Variants in TMEM117 observed in about 807,000 individuals in gnomAD.
TMEM117 encodes the protein transmembrane protein 117.
In TMEM117, 27 loss-of-function variants were observed where a neutral mutation model predicts 52.4. That is an observed-to-expected ratio of 0.51 (90% CI 0.38 to 0.71). TMEM117 has a LOEUF of 0.71. Among genes scored for constraint, TMEM117 ranks in the 30% least tolerant of loss-of-function variants. The probability of loss-of-function intolerance (pLI) is 0.00; values close to 1 mark genes in which losing one functional copy is unlikely to be tolerated. For missense variants in TMEM117, 556 were observed against 630.5 expected, an observed-to-expected ratio of 0.88 and a Z score of 1.26; for synonymous variants, 215 against 206.3, an observed-to-expected ratio of 1.04 and a Z score of -0.36.
At chr12:43,985,178 A>AT (rs928831689) in intron 3 of TMEM117, among the ~76,000 whole-genome samples, 10 of 152,000 alleles carry the variant, frequency 6.6e-5, no homozygotes, top group East Asian at 1.9e-4. Context: ...TTGAATAGAG[A>AT]TTTTTTTTAA....
At chr12:43,973,271 A>C (rs1945621270) in intron 3 of TMEM117, among the ~76,000 whole-genome samples, 1 of 152,320 alleles carries the variant, frequency 6.6e-6, no homozygotes, top group South Asian at 2.1e-4. Context: ...GTGCTTTAAG[A>C]GTGGCAAGAC....
chr12:44,115,315 G>A (rs1249791995), intron 3 of TMEM117, among the ~76,000 whole-genome samples: 3 of 152,126 alleles, frequency 2.0e-5, no homozygotes, highest in African/African-American at 2.4e-5. Flanking sequence ...TTGTCGGGTG[G>A]GGAGAAGGGG....
chr12:44,103,205 T>G (rs1947893504), intron 3 of TMEM117, among the ~76,000 whole-genome samples: 1 of 151,886 alleles, frequency 6.6e-6, no homozygotes, highest in South Asian at 2.1e-4. Context: ...TCTTCTGCAC[T>G]TTTCTCAGCA....
At chr12:44,178,221 A>G (rs1046213626) in intron 4 of TMEM117, among the ~76,000 whole-genome samples, 1 of 152,156 alleles carries the variant, frequency 6.6e-6, no homozygotes, top group Non-Finnish European at 1.5e-5. Flanking sequence ...TAATCACATC[A>G]ATTTATTGAC....
chr12:43,875,000 T>A (rs925701408), intron 2 of TMEM117, among the ~76,000 whole-genome samples: 1 of 152,240 alleles, frequency 6.6e-6, no homozygotes, highest in South Asian at 2.1e-4. Flanking sequence ...ATAAGTATTC[T>A]TAAGTTCAGG....
intron 6 of TMEM117, among the ~76,000 whole-genome samples, chr12:44,314,398 T>A (rs570796469): frequency 4.1e-4 from 63 of 152,298 alleles, no homozygotes; most frequent in Non-Finnish European, 7.1e-4. Context: ...GAATCACATT[T>A]ATTTAGTTTT....
chr12:43,796,487 T>C, the TMEM117 span, among the ~76,000 whole-genome samples: 1 of 152,158 alleles, frequency 6.6e-6, no homozygotes, highest in Non-Finnish European at 1.5e-5. Context: ...CAAATGTTTA[T>C]GCTTATTCCT....
At chr12:43,799,510 TACAG>T in the TMEM117 span, 1 of 1,522,688 alleles carries the variant, frequency 6.6e-7, no homozygotes, top group Non-Finnish European at 9.1e-7. Flanking sequence ...TTCCTGTAAG[TACAG>T]AATAGACTAT....
chr12:43,865,558 G>A (rs1028761544), intron 2 of TMEM117, among the ~76,000 whole-genome samples: 2 of 151,962 alleles, frequency 1.3e-5, no homozygotes, highest in Admixed American at 6.6e-5. Flanking sequence ...TTAGCCGGGC[G>A]TGGTGGTGCA....
the TMEM117 span, among the ~76,000 whole-genome samples, chr12:44,397,675 G>A: frequency 1.3e-5 from 2 of 152,164 alleles, no homozygotes; most frequent in African/African-American, 2.4e-5. Context: ...GTAATCAATT[G>A]CTTTGAGTCA....
intron 3 of TMEM117, among the ~76,000 whole-genome samples, chr12:43,953,325 C>T (rs1426832468): frequency 2.0e-5 from 3 of 152,102 alleles, no homozygotes; most frequent in African/African-American, 7.2e-5. Flanking sequence ...TGTAAATAGG[C>T]TAAATGCCCC....
intron 2 of TMEM117, among the ~76,000 whole-genome samples, chr12:43,906,769 A>G (rs2137519492): frequency 6.6e-6 from 1 of 152,326 alleles, no homozygotes; most frequent in South Asian, 2.1e-4. Flanking sequence ...CTCCCACTGG[A>G]ATACTGCACT....
chr12:44,379,527 T>C (rs1040826698), intron 7 of TMEM117, among the ~76,000 whole-genome samples: 4 of 152,206 alleles, frequency 2.6e-5, no homozygotes, highest in Non-Finnish European at 5.9e-5. Flanking sequence ...TCTGAGCTTT[T>C]CTCTCTTGCT....
chr12:44,241,489 C>A (rs568433056), intron 5 of TMEM117, among the ~76,000 whole-genome samples: 1 of 151,890 alleles, frequency 6.6e-6, no homozygotes, highest in African/African-American at 2.4e-5. Flanking sequence ...CAATTTTTTG[C>A]CACGCAGAAA....
intron 5 of TMEM117, among the ~76,000 whole-genome samples, chr12:44,253,664 T>A (rs949016556): frequency 6.6e-6 from 1 of 152,138 alleles, no homozygotes; most frequent in African/African-American, 2.4e-5. Flanking sequence ...TATGCCATTT[T>A]CACATCATAG....
chr12:44,319,582 TG>T (rs1409797940), intron 6 of TMEM117, among the ~76,000 whole-genome samples: 3 of 152,210 alleles, frequency 2.0e-5, no homozygotes, highest in African/African-American at 7.2e-5. Flanking sequence ...TGAATTAAAA[TG>T]TATGATTTTG....
intron 4 of TMEM117, among the ~76,000 whole-genome samples, chr12:44,145,152 G>A (rs894571258): frequency 2.6e-5 from 4 of 152,040 alleles, no homozygotes; most frequent in Non-Finnish European, 5.9e-5. Context: ...GCGAGACTCC[G>A]TCTCAAAAAG....
At chr12:44,046,839 C>T (rs1946887891) in intron 3 of TMEM117, among the ~76,000 whole-genome samples, 1 of 152,060 alleles carries the variant, frequency 6.6e-6, no homozygotes, top group South Asian at 2.1e-4. Context: ...ATTTAAGTAT[C>T]ACTACCTTTA....
intron 2 of TMEM117, among the ~76,000 whole-genome samples, chr12:43,912,159 A>G (rs1283460996): frequency 6.7e-6 from 1 of 150,318 alleles, no homozygotes; most frequent in Admixed American, 6.7e-5. Context: ...ATGGAATACT[A>G]TGCAGCCATA....
Sources: allele counts gnomAD v4.1 joint callset (sites outside exome capture counted in the v4.1 genomes callset), GRCh38; gene constraint gnomAD v4.1.1; transcripts MANE v1.5; gene names NCBI Gene and HGNC (gene_info 2026-07-23, HGNC 2026-07-21).